GPR158: variants seen among roughly 807,000 people sequenced by gnomAD.
GPR158 encodes the protein metabotropic glycine receptor.
GPR158 carries 30 observed loss-of-function variants against 78.2 expected under a neutral mutation model. That is an observed-to-expected ratio of 0.38 (90% confidence interval 0.29 to 0.52). GPR158 has a LOEUF of 0.52. GPR158 is among the 20% of genes least tolerant of loss of function. GPR158 has a pLI of 0.83. For synonymous variants in GPR158, 581 were observed against 591.1 expected (o/e 0.98, Z 0.25); for missense variants, 1,463 against 1,523.5 (o/e 0.96, Z 0.66).
intron 2 of GPR158, among the ~76,000 whole-genome samples, chr10:25,332,574 GTA>G (rs1458743744): frequency 6.6e-6 from 1 of 152,164 alleles, no homozygotes; most frequent in South Asian, 2.1e-4. Flanking sequence ...GCCTGGTACT[GTA>G]TTTGCAGAGG....
At chr10:25,275,888 C>T (rs2130747893) in intron 2 of GPR158, among the ~76,000 whole-genome samples, 1 of 152,184 alleles carries the variant, frequency 6.6e-6, no homozygotes, top group East Asian at 1.9e-4. Context: ...TCTTGACTCC[C>T]AGAGCACTGA....
chr10:25,355,979 C>T (rs1200138948), intron 2 of GPR158, among the ~76,000 whole-genome samples: 1 of 152,038 alleles, frequency 6.6e-6, no homozygotes, highest in African/African-American at 2.4e-5. Flanking sequence ...ACTTTCTCTC[C>T]AGCTGTCTTC....
intron 2 of GPR158, among the ~76,000 whole-genome samples, chr10:25,329,381 A>G (rs1855086230): frequency 6.6e-6 from 1 of 151,742 alleles, no homozygotes; most frequent in South Asian, 2.1e-4. Context: ...CGGAGCTTGC[A>G]GTGAGCGGAG....
chr10:25,451,439 A>G (rs1564459214), intron 4 of GPR158, among the ~76,000 whole-genome samples: 1 of 152,030 alleles, frequency 6.6e-6, no homozygotes, highest in Non-Finnish European at 1.5e-5. Flanking sequence ...CACACTTTTT[A>G]CTTCTATTTG....
chr10:25,346,851 A>G (rs1376524576), intron 2 of GPR158, among the ~76,000 whole-genome samples: 1 of 151,994 alleles, frequency 6.6e-6, no homozygotes, highest in Non-Finnish European at 1.5e-5. Flanking sequence ...CACAGACATG[A>G]AAAGCCCTGA....
At chr10:25,573,089 T>C (rs1837034232) in intron 7 of GPR158, among the ~76,000 whole-genome samples, 1 of 152,176 alleles carries the variant, frequency 6.6e-6, no homozygotes, top group African/African-American at 2.4e-5. Context: ...TTTTCAAAGG[T>C]ATATAGCTTT....
At chr10:25,462,386 C>T (rs182363785) in intron 4 of GPR158, among the ~76,000 whole-genome samples, 11 of 152,252 alleles carry the variant, frequency 7.2e-5, no homozygotes, top group African/African-American at 2.6e-4. Flanking sequence ...TGGAGATATG[C>T]AAGGAGATTA....
At chr10:25,471,630 C>G (rs1409739862) in intron 5 of GPR158, among the ~76,000 whole-genome samples, 2 of 152,136 alleles carry the variant, frequency 1.3e-5, no homozygotes, top group African/African-American at 2.4e-5. Context: ...CCTGTTGTTT[C>G]CTGACTTTTT....
intron 7 of GPR158, among the ~76,000 whole-genome samples, chr10:25,577,228 GT>G (rs1272540332): frequency 1.3e-5 from 2 of 152,114 alleles, no homozygotes; most frequent in African/African-American, 2.4e-5. Context: ...TACTCAGACT[GT>G]TAATCAAAAA....
At chr10:25,495,812 T>C (rs1835872600) in intron 5 of GPR158, among the ~76,000 whole-genome samples, 1 of 152,168 alleles carries the variant, frequency 6.6e-6, no homozygotes, top group African/African-American at 2.4e-5. Context: ...ACCTCTTTTC[T>C]TCTTTCCTTC....
chr10:25,547,148 A>T (rs1329156748), intron 5 of GPR158, among the ~76,000 whole-genome samples: 1 of 152,066 alleles, frequency 6.6e-6, no homozygotes, highest in East Asian at 1.9e-4. Flanking sequence ...GGGAAGATGA[A>T]CTTGGTTTTT....
intron 2 of GPR158, among the ~76,000 whole-genome samples, chr10:25,384,123 G>A (rs1834190948): frequency 6.6e-6 from 1 of 152,022 alleles, no homozygotes; most frequent in South Asian, 2.1e-4. Flanking sequence ...TGCATGCTTT[G>A]CGATCTAGTT....
intron 2 of GPR158, among the ~76,000 whole-genome samples, chr10:25,318,720 A>G (rs1469367053): frequency 2.0e-5 from 3 of 152,248 alleles, no homozygotes; most frequent in African/African-American, 7.2e-5. Flanking sequence ...TGTTCGTATG[A>G]TCACCATTAT....
At chr10:25,309,294 T>A (rs1045307099) in intron 2 of GPR158, among the ~76,000 whole-genome samples, 2 of 152,092 alleles carry the variant, frequency 1.3e-5, no homozygotes, top group South Asian at 2.1e-4. Flanking sequence ...ATTTGCACTT[T>A]CCTAATGGTT....
chr10:25,214,166 T>A (rs1853173895), intron 1 of GPR158, among the ~76,000 whole-genome samples: 1 of 152,010 alleles, frequency 6.6e-6, no homozygotes, highest in African/African-American at 2.4e-5. Flanking sequence ...CGCTAATTTT[T>A]TGTATTTTTA....
chr10:25,420,667 A>C (rs749734174), intron 4 of GPR158, among the ~76,000 whole-genome samples: 7 of 152,186 alleles, frequency 4.6e-5, no homozygotes, highest in Non-Finnish European at 1.5e-5. Context: ...ATCCAACTTC[A>C]TTCTTTTTTG....
rs1469766214 is a variant in GPR158 at position 25,597,791 on chromosome 10, A to G, written c.2165A>G (p.Tyr722Cys). 1 of 1,506,442 alleles carries G rather than the reference A, an allele frequency of 6.6e-7. No individual in the cohort carries two copies. The highest frequency in any genetic ancestry group is 8.9e-7 in the Non-Finnish European group (1 of 1,129,500). 93.3% of individuals were successfully genotyped at this position (1,506,442 alleles called of 1,614,324 possible). ...EDIRDELKKL[Y>C]AQLEIYKRKK... ...TGGCAGGACGAGCTGAAAAAACTCT[A>G]TGCCCAACTGGAAATATATAAAAGA... is the stretch of plus-strand genomic sequence containing the variant. Residue 722 changes from tyrosine to cysteine, a missense_variant, in exon 11 of 11, where the codon TAT (tyrosine) becomes TGT (cysteine). Coordinates refer to ENST00000376351, the MANE Select transcript of GPR158 (RefSeq NM_020752.3).
chr10:25,486,092 A>G (rs1173958573), intron 5 of GPR158, among the ~76,000 whole-genome samples: 4 of 152,134 alleles, frequency 2.6e-5, no homozygotes, highest in Admixed American at 2.6e-4. Context: ...GGACTCGGAG[A>G]AATAAATTTC....
At chr10:25,539,616 C>T (rs2130701531) in intron 5 of GPR158, among the ~76,000 whole-genome samples, 1 of 151,454 alleles carries the variant, frequency 6.6e-6, no homozygotes, top group South Asian at 2.1e-4. Flanking sequence ...CCACATTAAC[C>T]CCCAAATCTT....
Sources: gnomAD v4.1 joint callset for allele counts (sites outside exome capture counted in the v4.1 genomes callset) on GRCh38, gnomAD v4.1.1 for gene constraint, MANE v1.5 for transcripts, NCBI Gene and HGNC (gene_info 2026-07-23, HGNC 2026-07-21) for gene names.